The following LRMDA variants were observed in gnomAD, a reference collection of about 807,000 sequenced individuals.
The protein encoded by LRMDA is leucine rich melanocyte differentiation associated.
In LRMDA, 18 loss-of-function variants were observed where a neutral mutation model predicts 29.8. That is an observed-to-expected ratio of 0.60 (90% CI 0.42 to 0.90). The LOEUF (loss-of-function observed/expected upper bound fraction) is 0.90. Among genes scored for constraint, LRMDA ranks in the 40% least tolerant of loss-of-function variants. LRMDA has a pLI of 0.00. For missense variants in LRMDA, 273 were observed against 273.9 expected (o/e 1.00, Z 0.02); for synonymous variants, 125 against 109.4 (o/e 1.14, Z -0.89).
chr10:75,750,976 G>A (rs1842959713), intron 2 of LRMDA, among the ~76,000 whole-genome samples: 1 of 152,202 alleles, frequency 6.6e-6, no homozygotes, highest in Non-Finnish European at 1.5e-5. Flanking sequence ...GCTGGGAGGT[G>A]GAGTTTGTAG....
intron 3 of LRMDA, among the ~76,000 whole-genome samples, chr10:76,041,775 A>G (rs1292354679): frequency 2.0e-5 from 3 of 152,170 alleles, no homozygotes; most frequent in African/African-American, 7.2e-5. Flanking sequence ...GGGCTCTGCA[A>G]TGGCAACTTT....
chr10:76,200,978 A>G (rs576927461), intron 5 of LRMDA, among the ~76,000 whole-genome samples: 1 of 151,496 alleles, frequency 6.6e-6, no homozygotes, highest in South Asian at 2.1e-4. Context: ...TGGCCTCCCA[A>G]AGTGCTGGGA....
At chr10:75,908,569 T>G (rs1845795741) in intron 2 of LRMDA, among the ~76,000 whole-genome samples, 1 of 152,218 alleles carries the variant, frequency 6.6e-6, no homozygotes, top group South Asian at 2.1e-4. Context: ...CTTTGAGAGC[T>G]GAGTCTTATG....
chr10:76,505,634 T>C (rs1305649892), intron 6 of LRMDA, among the ~76,000 whole-genome samples: 2 of 152,118 alleles, frequency 1.3e-5, no homozygotes, highest in African/African-American at 4.8e-5. Context: ...TTTTTTGAAA[T>C]GGCTATTTTG....
intron 2 of LRMDA, among the ~76,000 whole-genome samples, chr10:75,998,346 G>A (rs989216385): frequency 6.6e-6 from 1 of 152,092 alleles, no homozygotes; most frequent in African/African-American, 2.4e-5. Flanking sequence ...TACGCAGTGG[G>A]CACCTAATAA....
intron 5 of LRMDA, among the ~76,000 whole-genome samples, chr10:76,265,597 T>C (rs1203670381): frequency 6.6e-6 from 1 of 152,170 alleles, no homozygotes; most frequent in African/African-American, 2.4e-5. Flanking sequence ...AGGCTTGGTA[T>C]GGAGCCCAGT....
chr10:75,996,795 T>G (rs887111380), intron 2 of LRMDA, among the ~76,000 whole-genome samples: 2 of 151,044 alleles, frequency 1.3e-5, no homozygotes, highest in Non-Finnish European at 3.0e-5. Context: ...TGCAGTGGCG[T>G]CATCTTGGCT....
chr10:75,848,196 T>C (rs968947216), intron 2 of LRMDA, among the ~76,000 whole-genome samples: 2 of 152,042 alleles, frequency 1.3e-5, no homozygotes, highest in African/African-American at 4.8e-5. Context: ...ATAAAGAAAA[T>C]GTGGTATGAA....
At chr10:75,847,939 T>C (rs994725287) in intron 2 of LRMDA, among the ~76,000 whole-genome samples, 1 of 152,228 alleles carries the variant, frequency 6.6e-6, no homozygotes, top group Non-Finnish European at 1.5e-5. Context: ...ATGGAGAAAT[T>C]GGAACCCTTG....
intron 2 of LRMDA, among the ~76,000 whole-genome samples, chr10:75,519,492 A>G (rs1845330596): frequency 6.6e-6 from 1 of 152,224 alleles, no homozygotes. Context: ...ATCAGAGACT[A>G]GGATTGCACC....
chr10:76,155,902 C>G (rs868636649), intron 5 of LRMDA, among the ~76,000 whole-genome samples: 1 of 152,280 alleles, frequency 6.6e-6, no homozygotes, highest in East Asian at 1.9e-4. Flanking sequence ...TCTCAAATAT[C>G]TTAAAATGTG....
intron 6 of LRMDA, among the ~76,000 whole-genome samples, chr10:76,440,661 T>C (rs1217488125): frequency 6.6e-6 from 1 of 152,130 alleles, no homozygotes; most frequent in African/African-American, 2.4e-5. Context: ...TGACTGGAAA[T>C]AGGCCAGGTC....
chr10:75,465,148 A>G (rs1008302000), intron 2 of LRMDA, among the ~76,000 whole-genome samples: 1 of 152,258 alleles, frequency 6.6e-6, no homozygotes, highest in South Asian at 2.1e-4. Context: ...GGATGAGGCA[A>G]GCCAGAGAGG....
chr10:75,766,459 G>T (rs1374283084), intron 2 of LRMDA, among the ~76,000 whole-genome samples: 1 of 152,152 alleles, frequency 6.6e-6, no homozygotes, highest in Non-Finnish European at 1.5e-5. Context: ...TTTCCCTCAT[G>T]GCTTATGCAT....
intron 6 of LRMDA, among the ~76,000 whole-genome samples, chr10:76,524,318 G>T (rs1033430179): frequency 6.6e-6 from 1 of 152,186 alleles, no homozygotes; most frequent in Non-Finnish European, 1.5e-5. Flanking sequence ...AAGCACAACG[G>T]AGACAAAGCG....
intron 6 of LRMDA, among the ~76,000 whole-genome samples, chr10:76,423,673 G>A (rs1444059845): frequency 6.6e-6 from 1 of 152,200 alleles, no homozygotes; most frequent in African/African-American, 2.4e-5. Context: ...CTTAGCTGCT[G>A]CTATTGCTGC....
intron 2 of LRMDA, among the ~76,000 whole-genome samples, chr10:75,750,013 A>G (rs1022220732): frequency 2.6e-5 from 4 of 152,250 alleles, no homozygotes; most frequent in Non-Finnish European, 5.9e-5. Context: ...AAATGGAGTC[A>G]GGATGTCTAC....
At chr10:75,458,550 T>C (rs1159510206) in intron 2 of LRMDA, among the ~76,000 whole-genome samples, 1 of 152,212 alleles carries the variant, frequency 6.6e-6, no homozygotes, top group African/African-American at 2.4e-5. Flanking sequence ...AGGTATGTCA[T>C]TATAGTAAGA....
In LRMDA at chr10:76,443,377, G is replaced by A. The variant is rs570395850; in HGVS notation, c.602-113832G>A. The stretch of plus-strand genomic sequence containing the variant: ...CTCTTGACTCTGGCATCACATCTTC[G>A]AGATAATCCGAGCTAGAGTTTGGCT... On this transcript the variant is annotated intron_variant, in intron 6 of 6. Transcript: ENST00000611255. 1.2e-4 allele frequency among the ~76,000 whole-genome samples: 18 copies of A among 152,226 alleles called. 1 individual carries two copies. Among genetic ancestry groups the A allele is most frequent in the African/African-American group, 1.7e-4 (7 of 41,536 alleles).
Sources: gnomAD v4.1 joint callset for allele counts (sites outside exome capture counted in the v4.1 genomes callset) on GRCh38, gnomAD v4.1.1 for gene constraint, MANE v1.5 for transcripts, NCBI Gene and HGNC (gene_info 2026-07-23, HGNC 2026-07-21) for gene names.